Variants in ZSCAN23 observed in about 807,000 individuals in gnomAD.
The protein encoded by ZSCAN23 is zinc finger and SCAN domain-containing protein 23.
A neutral mutation model predicts 19.3 loss-of-function variants in ZSCAN23; 19 were observed. The observed-to-expected ratio is 0.99, with a 90% CI of 0.69 to 1.45. The LOEUF (loss-of-function observed/expected upper bound fraction) is 1.45, where lower values mean the gene tolerates loss of function less well. Among genes scored for constraint, ZSCAN23 ranks in the 40% most tolerant of loss-of-function variants. ZSCAN23 has a pLI of 0.00. For synonymous variants in ZSCAN23, 140 were observed against 166.2 expected, an observed-to-expected ratio of 0.84 and a Z score of 1.21; for missense variants, 372 against 462.5, an observed-to-expected ratio of 0.80 and a Z score of 1.79.
intron 1 of ZSCAN23, among the ~76,000 whole-genome samples, chr6:28,437,520 T>C (rs1761917734): frequency 6.6e-6 from 1 of 151,970 alleles, no homozygotes; most frequent in Admixed American, 6.6e-5. Context: ...GAGGCAGAGG[T>C]TGCAGTGGAC....
At position 28,438,014 on chromosome 6, in the gene ZSCAN23, G is replaced by A. The variant is rs112331409; in HGVS notation, c.-77-1671C>T. Among the ~76,000 whole-genome samples the A allele has an allele frequency of 3.6e-3, 554 of 152,040 alleles. 3 individuals carry two copies. Among genetic ancestry groups the A allele is most frequent in the African/African-American group, 0.012 (491 of 41,450 alleles). On this transcript the variant is annotated intron_variant, in intron 1 of 3. Transcript: ENST00000289788. Reference sequence around the variant, plus strand: ...ACCCACAAATGAATAATAACCTGTAGAATAAAATATTTTTGTTTTAAGTAA... The same window carrying A: ...ACCCACAAATGAATAATAACCTGTAAAATAAAATATTTTTGTTTTAAGTAA...
downstream of ZSCAN23, among the ~76,000 whole-genome samples, chr6:28,430,624 T>C (rs1761744406): frequency 6.6e-6 from 1 of 152,036 alleles, no homozygotes; most frequent in Non-Finnish European, 1.5e-5. Flanking sequence ...TACAATGAAT[T>C]AGCAGAAGTC....
chr6:28,434,392 C>A lies in ZSCAN23; in HGVS notation c.*73G>T, dbSNP rs907449164. On this transcript the variant is annotated 3_prime_UTR_variant, in exon 4 of 4. Transcript: ENST00000289788. ...GTAAGGGAATTTTTACTGGCTTTCC[C>A]TTGAACTTTTCTATGCTAGAGGACA... The A allele has an allele frequency of 1.4e-6, 2 of 1,445,282 alleles. No individual in the cohort carries two copies. The highest frequency in any genetic ancestry group is 9.1e-7 in the Non-Finnish European group (1 of 1,094,440). 89.5% of individuals were successfully genotyped at this position (1,445,282 alleles called of 1,614,324 possible). A position where few individuals can be genotyped will look rare whatever the true frequency, so the allele number is the denominator to read the frequency against.
At position 28,436,220 on chromosome 6, in the gene ZSCAN23, A is replaced by C. The variant is rs1211949383; in HGVS notation, c.47T>G (p.Leu16Arg). The C allele has an allele frequency of 2.6e-6, 4 of 1,552,224 alleles. No individual in the cohort carries two copies. Among genetic ancestry groups the C allele is most frequent in the Middle Eastern group, 1.7e-4 (1 of 5,990 alleles). Residue 16 changes from leucine (L) to arginine (R), a missense_variant, in exon 2 of 4, where the codon CTT becomes CGT. By Grantham distance (102) the Leu-to-Arg change is moderately radical. Transcript: ENST00000289788. ...TTCCTCCTTTACCTTCACTGCCAGA[A>C]GTCCTTCCTGCATCTCTGCAGTCTG... ...TLQTAEMQEG[L>R]LAVKVKEEEE...
chr6:28,428,736 C>G (rs1436628452), downstream of ZSCAN23, among the ~76,000 whole-genome samples: 1 of 152,162 alleles, frequency 6.6e-6, no homozygotes, highest in Non-Finnish European at 1.5e-5. Flanking sequence ...TGCTTAAATC[C>G]AGACAGAGCA....
intron 1 of ZSCAN23, among the ~76,000 whole-genome samples, chr6:28,437,234 G>T (rs1316252055): frequency 6.6e-6 from 1 of 152,150 alleles, no homozygotes; most frequent in Admixed American, 6.6e-5. Flanking sequence ...AACAGGAGTA[G>T]AATTTGACCT....
Position 28,435,926 on chromosome 6 carries a change from A to G in ZSCAN23, c.341T>C (p.Val114Ala). 1.2e-6 allele frequency: 2 copies of G among 1,614,026 alleles called. No individual in the cohort carries two copies. The highest frequency in any genetic ancestry group is 1.7e-5 in the Admixed American group (1 of 60,010). ...CACAGTCACTGCCTCCTCTCCACTC[A>G]CAGGACGGTGCTGTCTGACCCAGGC... ...LQAWVRQHRP[V>A]SGEEAVTVLE... Residue 114 changes from valine to alanine, a missense_variant, in exon 2 of 4, where the codon GTG becomes GCG. By Grantham distance (64) the Val-to-Ala change is moderately conservative. Coordinates refer to ENST00000289788, the MANE Select transcript of ZSCAN23 (RefSeq NM_001012455.2).
intron 1 of ZSCAN23, among the ~76,000 whole-genome samples, chr6:28,443,010 C>T (rs1762033583): frequency 6.6e-6 from 1 of 152,164 alleles, no homozygotes; most frequent in Non-Finnish European, 1.5e-5. Flanking sequence ...AAGGCTGTGG[C>T]ATAGTTTAAA....
downstream of ZSCAN23, among the ~76,000 whole-genome samples, chr6:28,427,844 C>G (rs529225820): frequency 6.6e-6 from 1 of 152,282 alleles, no homozygotes; most frequent in Admixed American, 6.5e-5. Context: ...CTTTGGGAGG[C>G]TGAGGCGGGT....
At chr6:28,438,431 G>A (rs1761936410) in intron 1 of ZSCAN23, among the ~76,000 whole-genome samples, 2 of 152,186 alleles carry the variant, frequency 1.3e-5, no homozygotes. Flanking sequence ...GACATGCATT[G>A]TGAAATTAAA....
chr6:28,435,310 G>T, intron 3 of ZSCAN23, 150 bp downstream of exon 3: 1 of 1,171,720 alleles, frequency 8.5e-7, no homozygotes, highest in Non-Finnish European at 1.2e-6. Flanking sequence ...TGTAAACTTC[G>T]TGAGAGTGGG....
chr6:28,421,986 AT>A, the ZSCAN23 span, among the ~76,000 whole-genome samples: 1 of 152,054 alleles, frequency 6.6e-6, no homozygotes, highest in African/African-American at 2.4e-5. Flanking sequence ...TTATGTTTAC[AT>A]TTTTAAAATT....
intron 1 of ZSCAN23, among the ~76,000 whole-genome samples, chr6:28,443,195 G>T (rs972660396): frequency 1.3e-5 from 2 of 152,176 alleles, no homozygotes; most frequent in African/African-American, 2.4e-5. Flanking sequence ...ACATAGGGTG[G>T]GGGAAAGGGG....
chr6:28,435,713 GA>G, intron 2 of ZSCAN23, 106 bp from the exon 3 acceptor site: 1 of 1,436,348 alleles, frequency 7.0e-7, no homozygotes, highest in Non-Finnish European at 9.2e-7. Context: ...AGCTGGCAAA[GA>G]AAAAACAGAG....
At chr6:28,435,321 G>C in intron 3 of ZSCAN23, 139 bp downstream of exon 3, 1 of 1,223,480 alleles carries the variant, frequency 8.2e-7, no homozygotes, top group South Asian at 1.6e-5. Flanking sequence ...TGAGAGTGGG[G>C]ACCACATCTG....
intron 1 of ZSCAN23, among the ~76,000 whole-genome samples, chr6:28,438,718 C>A (rs1761941282): frequency 6.6e-6 from 1 of 152,126 alleles, no homozygotes; most frequent in African/African-American, 2.4e-5. Context: ...CATGAAGGTA[C>A]CTGCCCCCAT....
chr6:28,425,626 C>T, the ZSCAN23 span, among the ~76,000 whole-genome samples: 1 of 152,158 alleles, frequency 6.6e-6, no homozygotes, highest in African/African-American at 2.4e-5. Flanking sequence ...CAGCATGATC[C>T]TTAAGGACTC....
At chr6:28,429,458 C>T (rs558596648), downstream of ZSCAN23, among the ~76,000 whole-genome samples, 136 of 152,148 alleles carry the variant, frequency 8.9e-4, no homozygotes, top group African/African-American at 3.2e-3. Context: ...ATATCGTGAC[C>T]ATTAGCATAG....
chr6:28,435,164 G>A, intron 3 of ZSCAN23, 86 bp from the exon 4 acceptor site: 1 of 1,420,576 alleles, frequency 7.0e-7, no homozygotes, highest in South Asian at 1.5e-5. Context: ...AAAGTGGCCA[G>A]GAGAATGGGT....
Sources: gnomAD v4.1 joint callset for allele counts (sites outside exome capture counted in the v4.1 genomes callset) on GRCh38, gnomAD v4.1.1 for gene constraint, MANE v1.5 for transcripts, NCBI Gene and HGNC (gene_info 2026-07-23, HGNC 2026-07-21) for gene names.